Variants in SYN3 observed in about 807,000 individuals in gnomAD.
SYN3 encodes the protein synapsin III.
SYN3 carries 35 observed loss-of-function variants against 65.8 expected under a neutral mutation model. That is an observed-to-expected ratio of 0.53 (90% confidence interval 0.41 to 0.70). The LOEUF is 0.70. Ranked by LOEUF, SYN3 falls within the 30% of genes least tolerant of loss-of-function variation. The pLI, the probability that SYN3 is intolerant of heterozygous loss-of-function variation, is 0.00. For missense variants in SYN3, 680 were observed against 749.0 expected, an observed-to-expected ratio of 0.91 and a Z score of 1.08; for synonymous variants, 270 against 292.9, an observed-to-expected ratio of 0.92 and a Z score of 0.80.
At chr22:32,786,817 C>G (rs1219684468) in intron 6 of SYN3, among the ~76,000 whole-genome samples, 1 of 151,932 alleles carries the variant, frequency 6.6e-6, no homozygotes, top group Non-Finnish European at 1.5e-5. Flanking sequence ...TTCAAAAGCT[C>G]ATGGTGGGAA....
chr22:32,830,958 T>C (rs1442292908), intron 6 of SYN3, among the ~76,000 whole-genome samples: 1 of 152,130 alleles, frequency 6.6e-6, no homozygotes, highest in African/African-American at 2.4e-5. Flanking sequence ...TGTGTGTTTT[T>C]TTTTCCCCAA....
At chr22:32,763,166 A>C (rs1366689727) in intron 6 of SYN3, among the ~76,000 whole-genome samples, 7 of 148,282 alleles carry the variant, frequency 4.7e-5, no homozygotes, top group Non-Finnish European at 8.9e-5. Flanking sequence ...TTTTTTTTTG[A>C]GATGGAGTCT....
chr22:32,654,161 G>C (rs1045011014), intron 6 of SYN3, among the ~76,000 whole-genome samples: 2 of 152,212 alleles, frequency 1.3e-5, no homozygotes, highest in Non-Finnish European at 2.9e-5. Context: ...GCCCAGAGCA[G>C]CCTGGACCTG....
At chr22:32,909,106 A>G (rs1476561872) in intron 4 of SYN3, among the ~76,000 whole-genome samples, 1 of 152,072 alleles carries the variant, frequency 6.6e-6, no homozygotes, top group African/African-American at 2.4e-5. Flanking sequence ...GGCATGCTAA[A>G]CCCTGGGAAA....
At chr22:32,856,854 T>C (rs966957428) in intron 6 of SYN3, among the ~76,000 whole-genome samples, 3 of 152,212 alleles carry the variant, frequency 2.0e-5, no homozygotes, top group Non-Finnish European at 4.4e-5. Flanking sequence ...ACCAATCCAC[T>C]GTCCATCTTT....
intron 3 of SYN3, among the ~76,000 whole-genome samples, chr22:32,941,857 C>T (rs910039969): frequency 4.6e-5 from 7 of 152,170 alleles, no homozygotes; most frequent in African/African-American, 7.2e-5. Flanking sequence ...ATTGCCAGCT[C>T]GGCAGTCTGA....
chr22:32,899,237 C>T (rs1260103539), intron 4 of SYN3, among the ~76,000 whole-genome samples: 1 of 152,194 alleles, frequency 6.6e-6, no homozygotes, highest in African/African-American at 2.4e-5. Flanking sequence ...ACGGCAGCTC[C>T]CTTCCCCACT....
At chr22:33,010,232 C>CAA (rs34426068) in intron 1 of SYN3, among the ~76,000 whole-genome samples, 43 of 137,712 alleles carry the variant, frequency 3.1e-4, no homozygotes, top group Middle Eastern at 3.8e-3. Context: ...AACTCTGTCC[C>CAA]AAAAAAAAAA....
At chr22:32,717,850 G>A (rs931946160) in intron 6 of SYN3, among the ~76,000 whole-genome samples, 6 of 152,218 alleles carry the variant, frequency 3.9e-5, no homozygotes, top group African/African-American at 1.4e-4. Context: ...TTTGGTCTCA[G>A]TTTCTGCATG....
chr22:32,806,721 T>C (rs765425065), intron 6 of SYN3, among the ~76,000 whole-genome samples: 1 of 152,240 alleles, frequency 6.6e-6, no homozygotes, highest in African/African-American at 2.4e-5. Flanking sequence ...TATGAATACA[T>C]TCTATGTCCA....
At chr22:32,543,325 C>T (rs2058288183) in intron 7 of SYN3, among the ~76,000 whole-genome samples, 1 of 152,112 alleles carries the variant, frequency 6.6e-6, no homozygotes, top group African/African-American at 2.4e-5. Context: ...GCAGCTGAGC[C>T]CAGAGCTAGG....
At chr22:32,925,039 C>T (rs770741868) in intron 4 of SYN3, among the ~76,000 whole-genome samples, 1 of 151,938 alleles carries the variant, frequency 6.6e-6, no homozygotes, top group Non-Finnish European at 1.5e-5. Context: ...CTGCAGTGAG[C>T]AGTGATCGCA....
At chr22:32,743,121 G>C (rs2044823549) in intron 6 of SYN3, among the ~76,000 whole-genome samples, 1 of 152,204 alleles carries the variant, frequency 6.6e-6, no homozygotes, top group Non-Finnish European at 1.5e-5. Context: ...GAGATAATCA[G>C]CATTTTTTTA....
chr22:32,630,046 C>T (rs1379679803), intron 6 of SYN3, among the ~76,000 whole-genome samples: 23 of 150,528 alleles, frequency 1.5e-4, no homozygotes, highest in African/African-American at 3.7e-4. Context: ...TACGGTGGCG[C>T]GATCTCGGCT....
chr22:32,847,199 C>T (rs755623402), intron 6 of SYN3, among the ~76,000 whole-genome samples: 24 of 152,274 alleles, frequency 1.6e-4, no homozygotes, highest in East Asian at 3.9e-4. Flanking sequence ...TGCCTCTGCA[C>T]GGAGGTGAAG....
At chr22:32,838,915 T>C (rs1020551975) in intron 6 of SYN3, among the ~76,000 whole-genome samples, 3 of 151,490 alleles carry the variant, frequency 2.0e-5, no homozygotes, top group African/African-American at 7.3e-5. Context: ...TGCTAGTGAG[T>C]GTCCAAGGAA....
intron 12 of SYN3, among the ~76,000 whole-genome samples, chr22:32,520,702 C>T (rs138551048): frequency 3.3e-5 from 5 of 152,280 alleles, no homozygotes; most frequent in African/African-American, 1.2e-4. Flanking sequence ...TTTCAGCCAG[C>T]CTCCCTTACC....
At chr22:33,013,136 A>C (rs2053390247) in intron 1 of SYN3, among the ~76,000 whole-genome samples, 1 of 152,160 alleles carries the variant, frequency 6.6e-6, no homozygotes, top group Non-Finnish European at 1.5e-5. Flanking sequence ...AACTCTGGTC[A>C]ACCTTCCATT....
chr22:32,663,679 G>C (rs5749482), intron 6 of SYN3, among the ~76,000 whole-genome samples: 39,214 of 152,038 alleles, frequency 0.26, 7,279 homozygotes, highest in East Asian at 0.7. Flanking sequence ...ACAGCATGTA[G>C]GAACTATGAA....
Sources: allele counts gnomAD v4.1 joint callset (sites outside exome capture counted in the v4.1 genomes callset), GRCh38; gene constraint gnomAD v4.1.1; transcripts MANE v1.5; gene names NCBI Gene and HGNC (gene_info 2026-07-23, HGNC 2026-07-21).